ATF3: variants seen among roughly 807,000 people sequenced by gnomAD.
ATF3 encodes cyclic AMP-dependent transcription factor ATF-3.
In ATF3, 10 loss-of-function variants were observed where a neutral mutation model predicts 18.4. That is an observed-to-expected ratio of 0.54 (90% CI 0.34 to 0.92). The LOEUF is 0.92. Ranked by LOEUF, ATF3 falls within the 40% of genes least tolerant of loss-of-function variation. The pLI, the probability that ATF3 is intolerant of heterozygous loss-of-function variation, is 0.02. For synonymous variants in ATF3, 78 were observed against 87.9 expected (o/e 0.89, Z 0.63); for missense variants, 183 against 222.3 (o/e 0.82, Z 1.12).
chr1:212,612,604 G>A (rs969222654), intron 1 of ATF3, among the ~76,000 whole-genome samples: 28 of 152,216 alleles, frequency 1.8e-4, no homozygotes, highest in African/African-American at 6.8e-4. Flanking sequence ...TATCCTCCCA[G>A]CATCCTAAGA....
intron 1 of ATF3, among the ~76,000 whole-genome samples, chr1:212,600,846 C>T (rs1017651038): frequency 6.6e-6 from 1 of 151,936 alleles, no homozygotes; most frequent in East Asian, 1.9e-4. Flanking sequence ...AGTTGGTGCT[C>T]GTTAAAATGT....
At chr1:212,600,689 G>A (rs981148644) in intron 1 of ATF3, among the ~76,000 whole-genome samples, 1 of 152,188 alleles carries the variant, frequency 6.6e-6, no homozygotes, top group Non-Finnish European at 1.5e-5. Context: ...GCTTTCCTGG[G>A]CAGAGCCGTC....
intron 1 of ATF3, among the ~76,000 whole-genome samples, chr1:212,595,444 C>T (rs149264563): frequency 1.4e-3 from 218 of 152,340 alleles, no homozygotes; most frequent in Non-Finnish European, 2.4e-3. Context: ...CCGGTGCTCC[C>T]GCAGCTCAGT....
rs1007786844 is a variant in ATF3 at position 212,618,837 on chromosome 1, G to A, written c.349-521G>A. ...GCTCAGCAGTCTTTCCAGTGGCTGT[G>A]TCCCTCCTCCAAATGTGGACAGGCC... On this transcript the variant is annotated intron_variant, in intron 3 of 3. Coordinates refer to ENST00000341491, the MANE Select transcript of ATF3 (RefSeq NM_001674.4). The surrounding 1 kb of genome is among the most constrained non-coding windows in gnomAD (Gnocchi z 4.4). The A allele has an allele frequency of 1.6e-6, 1 of 643,578 alleles. No homozygotes were observed. Among genetic ancestry groups the A allele is most frequent in the Admixed American group, 2.5e-5 (1 of 40,386 alleles). 39.9% of individuals were successfully genotyped at this position (643,578 alleles called of 1,614,324 possible). A position where few individuals can be genotyped will look rare whatever the true frequency, so the allele number is the denominator to read the frequency against.
intron 1 of ATF3, among the ~76,000 whole-genome samples, chr1:212,611,457 A>G (rs1410612172): frequency 1.3e-5 from 2 of 152,234 alleles, no homozygotes; most frequent in Non-Finnish European, 2.9e-5. Context: ...TTTGATCTCA[A>G]ATTACAGAGG....
intron 1 of ATF3, among the ~76,000 whole-genome samples, chr1:212,579,157 A>G (rs923688745): frequency 5.3e-5 from 8 of 151,920 alleles, no homozygotes; most frequent in African/African-American, 1.9e-4. Flanking sequence ...GATTACGGGC[A>G]TGCACCACCA....
intron 1 of ATF3, among the ~76,000 whole-genome samples, chr1:212,594,325 G>T (rs1446256115): frequency 1.3e-5 from 2 of 151,998 alleles, no homozygotes; most frequent in Non-Finnish European, 2.9e-5. Context: ...TTCTAGCTGG[G>T]ATTCATTATT....
rs79093680 is a variant in ATF3, at chr1:212,581,472, G to C, written c.-5+15989G>C. Among the ~76,000 whole-genome samples, 1,179 of 152,302 alleles carry C rather than the reference G, an allele frequency of 7.7e-3. 37 individuals carry two copies. Among genetic ancestry groups the C allele is most frequent in the East Asian group, 0.064 (330 of 5,184 alleles). Reference sequence around the variant, plus strand: ...CATGGCATTTCTTATGGGTGTCATAGGAGTTTTATTTTGTTGTTGATGACG... The same window carrying C: ...CATGGCATTTCTTATGGGTGTCATACGAGTTTTATTTTGTTGTTGATGACG... On this transcript the variant is annotated intron_variant, in intron 1 of 3. Coordinates refer to the ATF3 transcript ENST00000366981.
chr1:212,571,663 G>A (rs1664483468), intron 1 of ATF3, among the ~76,000 whole-genome samples: 1 of 150,304 alleles, frequency 6.7e-6, no homozygotes, highest in African/African-American at 2.5e-5. Context: ...ACCCACCTTG[G>A]CCTCCCAAAG....
chr1:212,578,177 T>G (rs1442586394), intron 1 of ATF3, among the ~76,000 whole-genome samples: 1 of 152,234 alleles, frequency 6.6e-6, no homozygotes, highest in Non-Finnish European at 1.5e-5. Flanking sequence ...GTTCTGCAAT[T>G]CAGCTGCAAT....
upstream of ATF3, among the ~76,000 whole-genome samples, chr1:212,608,164 A>G (rs577167112): frequency 4.6e-5 from 7 of 152,344 alleles, no homozygotes; most frequent in Non-Finnish European, 8.8e-5. Flanking sequence ...CCACAGACTA[A>G]CGCTTCTGCC....
intron 1 of ATF3, among the ~76,000 whole-genome samples, chr1:212,589,605 C>T (rs1664844028): frequency 2.0e-5 from 3 of 151,528 alleles, no homozygotes; most frequent in Non-Finnish European, 4.4e-5. Context: ...TCGCTTGACC[C>T]CAGGAAGGTG....
intron 1 of ATF3, among the ~76,000 whole-genome samples, chr1:212,593,110 TA>T (rs945554989): frequency 4.9e-4 from 75 of 151,826 alleles, no homozygotes; most frequent in African/African-American, 1.6e-3. Flanking sequence ...TATGCAGCCA[TA>T]AAAAAATGAA....
At chr1:212,605,373 T>C (rs1030742101), upstream of ATF3, among the ~76,000 whole-genome samples, 3 of 152,112 alleles carry the variant, frequency 2.0e-5, no homozygotes, top group Admixed American at 2.0e-4. Flanking sequence ...GTAGAAAGAG[T>C]GAGCTTCGGA....
rs1655338903 is a variant in ATF3 at position 212,620,400 on chromosome 1, G to A, written c.*845G>A. The A allele has an allele frequency of 6.5e-6, 1 of 152,684 alleles. No individual in the cohort carries two copies. Among genetic ancestry groups the A allele is most frequent in the African/African-American group, 2.4e-5 (1 of 41,456 alleles). 9.5% of individuals were successfully genotyped at this position (152,684 alleles called of 1,614,324 possible). Reference sequence around the variant, plus strand: ...CAGGAGTTGTGTCTAGGCTGGAAGAGCCAAAGAATATTCCATTTTCCTTTC... The same window carrying A: ...CAGGAGTTGTGTCTAGGCTGGAAGAACCAAAGAATATTCCATTTTCCTTTC... On this transcript the variant is annotated 3_prime_UTR_variant, in exon 4 of 4. Coordinates refer to ENST00000341491, the MANE Select transcript of ATF3 (RefSeq NM_001674.4).
At chr1:212,607,230 T>C (rs1248939526), upstream of ATF3, among the ~76,000 whole-genome samples, 1 of 152,108 alleles carries the variant, frequency 6.6e-6, no homozygotes, top group East Asian at 1.9e-4. Context: ...ACCTCTAGTT[T>C]CTACCCCAAA....
At position 212,619,225 on chromosome 1, in the gene ATF3, C is replaced by T; in HGVS notation, c.349-133C>T. 1 of 1,610,358 alleles carries T rather than the reference C, an allele frequency of 6.2e-7. No homozygotes were observed. The highest frequency in any genetic ancestry group is 8.5e-7 in the Non-Finnish European group (1 of 1,179,034). ...AAACCCAGTGCTGCTCTCCCATCTC[C>T]CATCTTCCTCTCGCAGCTTGATGAG... On this transcript the variant is annotated intron_variant, in intron 3 of 3. Transcript: ENST00000341491. The surrounding 1 kb of genome is among the most constrained non-coding windows in gnomAD (Gnocchi z 4.4).
Position 212,570,925 on chromosome 1 carries a change from A to G in ATF3, c.-5+5442A>G, listed in dbSNP as rs146780132. Among the ~76,000 whole-genome samples, 51 of 152,332 alleles carry G rather than the reference A, an allele frequency of 3.3e-4. No homozygotes were observed. The East Asian group carries it at 8.3e-3, about 25-fold the overall frequency. ...CATTATGAATAATGAAACTATGAAC[A>G]TTGTTGTAAATGTCCTTTTATAGAC... On this transcript the variant is annotated intron_variant, in intron 1 of 3. Transcript: ENST00000366981.
intron 1 of ATF3, among the ~76,000 whole-genome samples, chr1:212,614,590 CA>C (rs34303223): frequency 0.46 from 56,531 of 123,918 alleles, 11,732 homozygotes; most frequent in Middle Eastern, 0.53. Flanking sequence ...GAGTAATATA[CA>C]AAAAAAAAAA....
Sources: allele counts gnomAD v4.1 joint callset (sites outside exome capture counted in the v4.1 genomes callset), GRCh38; gene constraint gnomAD v4.1.1; non-coding constraint Gnocchi (gnomAD v3.1); transcripts MANE v1.5; gene names NCBI Gene and HGNC (gene_info 2026-07-23, HGNC 2026-07-21).